TNRC6B: variants seen among roughly 807,000 people sequenced by gnomAD.
The protein encoded by TNRC6B is trinucleotide repeat containing adaptor 6B.
In TNRC6B, 52 loss-of-function variants were observed where a neutral mutation model predicts 203.6. The observed-to-expected ratio is 0.26, with a 90% confidence interval of 0.20 to 0.32. TNRC6B has a LOEUF of 0.32. Among genes scored for constraint, TNRC6B ranks in the 10% least tolerant of loss-of-function variants. The pLI is 1.00. For synonymous variants in TNRC6B, 838 were observed against 845.7 expected (o/e 0.99, Z 0.16); for missense variants, 1,923 against 2,286.2 (o/e 0.84, Z 3.24).
intron 15 of TNRC6B, among the ~76,000 whole-genome samples, chr22:40,303,073 G>A (rs1161991328): frequency 5.9e-5 from 8 of 136,110 alleles, no homozygotes; most frequent in South Asian, 2.3e-4. Flanking sequence ...TTTTTGAGGC[G>A]GAGTCTCACT....
chr22:40,127,135 T>C (rs748352653), intron 3 of TNRC6B, among the ~76,000 whole-genome samples: 11 of 151,968 alleles, frequency 7.2e-5, no homozygotes, highest in Non-Finnish European at 1.5e-4. Flanking sequence ...CTTCTTAACA[T>C]AGTTACATGA....
At chr22:40,064,613 C>CTTTTTTTTTTTTTTTT (rs888329204) in intron 1 of TNRC6B, among the ~76,000 whole-genome samples, 1 of 137,908 alleles carries the variant, frequency 7.3e-6, no homozygotes, top group Non-Finnish European at 1.6e-5. Context: ...GTGTATAATC[C>CTTTTTTTTTTTTTTTT]TTTTTTTTTT....
At chr22:40,289,942 C>T (rs1312299036) in intron 12 of TNRC6B, among the ~76,000 whole-genome samples, 4 of 152,232 alleles carry the variant, frequency 2.6e-5, no homozygotes, top group African/African-American at 7.2e-5. Flanking sequence ...CCTTGGAGCT[C>T]GTGACCATGT....
intron 1 of TNRC6B, among the ~76,000 whole-genome samples, chr22:40,089,469 A>G (rs1765804590): frequency 6.6e-6 from 1 of 151,962 alleles, no homozygotes; most frequent in African/African-American, 2.4e-5. Context: ...CTGACCTCAA[A>G]TAATCCACCC....
chr22:40,112,900 C>G (rs919471563), intron 1 of TNRC6B, among the ~76,000 whole-genome samples: 10 of 152,146 alleles, frequency 6.6e-5, no homozygotes, highest in Admixed American at 2.0e-4. Context: ...GGGTTGATCA[C>G]TTGAGGTCAG....
intron 1 of TNRC6B, 75 bp from the exon 2 acceptor site, chr22:40,245,940 C>G: frequency 8.4e-7 from 1 of 1,192,676 alleles, no homozygotes; most frequent in Admixed American, 2.6e-5. Flanking sequence ...CCACCACTTA[C>G]AAGCATTCAA....
intron 12 of TNRC6B, among the ~76,000 whole-genome samples, chr22:40,291,529 T>C (rs1298396333): frequency 1.3e-5 from 2 of 152,210 alleles, no homozygotes; most frequent in Admixed American, 6.5e-5. Context: ...ACAGGGATGC[T>C]TTTCACATTA....
At chr22:40,172,771 G>A (rs1441405421) in intron 4 of TNRC6B, among the ~76,000 whole-genome samples, 1 of 152,200 alleles carries the variant, frequency 6.6e-6, no homozygotes, top group African/African-American at 2.4e-5. Context: ...ATAAGAGTTA[G>A]ATAGCATTCA....
intron 2 of TNRC6B, among the ~76,000 whole-genome samples, chr22:40,123,337 G>A (rs1296389522): frequency 6.6e-6 from 1 of 152,122 alleles, no homozygotes; most frequent in African/African-American, 2.4e-5. Flanking sequence ...ATTTAGCCAG[G>A]CAAGTCAAGC....
intron 1 of TNRC6B, among the ~76,000 whole-genome samples, chr22:40,228,925 TACTTTCA>T (rs2069829551): frequency 1.3e-5 from 2 of 152,170 alleles, no homozygotes; most frequent in African/African-American, 4.8e-5. Context: ...TATAGGAAAG[TACTTTCA>T]GGAGTAAAAT....
At position 40,330,472 on chromosome 22, in the gene TNRC6B, T is replaced by C. The variant is rs1490780631; in HGVS notation, c.*7231T>C. ...GCTTTACAGAGAGGAGGACAGTACATCCTATGTGTGTTCGCCAAAAATGGG... is the reference window on the plus strand; with the variant it reads ...GCTTTACAGAGAGGAGGACAGTACACCCTATGTGTGTTCGCCAAAAATGGG... On this transcript the variant is annotated 3_prime_UTR_variant, in exon 23 of 23. Transcript: ENST00000454349. 3.9e-5 allele frequency: 6 copies of C among 152,214 alleles called. No homozygotes were observed. Among genetic ancestry groups the C allele is most frequent in the Admixed American group, 2.6e-4 (4 of 15,282 alleles). The allele number at this position is 152,214 out of a possible 1,614,324, so 9.4% of individuals were successfully genotyped here.
At chr22:40,173,346 C>T (rs1338623383), upstream of TNRC6B, among the ~76,000 whole-genome samples, 4 of 151,676 alleles carry the variant, frequency 2.6e-5, no homozygotes, top group African/African-American at 4.8e-5. Context: ...CCACCCTCGG[C>T]CTCCCAAAGT....
intron 1 of TNRC6B, among the ~76,000 whole-genome samples, chr22:40,083,584 G>A (rs936666358): frequency 1.6e-4 from 24 of 152,114 alleles, no homozygotes; most frequent in Admixed American, 7.9e-4. Flanking sequence ...TTTTAAGATG[G>A]GACATACTAG....
At chr22:40,204,421 C>T (rs1292840593) in intron 1 of TNRC6B, among the ~76,000 whole-genome samples, 3 of 152,172 alleles carry the variant, frequency 2.0e-5, no homozygotes, top group Admixed American at 1.3e-4. Context: ...AGATTCATCC[C>T]CTGCCACTCT....
In TNRC6B at chr22:40,075,154, A is replaced by G. The variant is rs538520923; in HGVS notation, c.-121+30156A>G. 1.1e-4 allele frequency among the ~76,000 whole-genome samples: 6 copies of G among 55,376 alleles called. No individual in the cohort carries two copies. The East Asian group carries it at 2.4e-3, about 22-fold the overall frequency. The allele number at this position is 55,376 out of a possible 152,430, so 36.3% of individuals were successfully genotyped here. ...GTTCTGTTCATATATATATATATAT[A>G]TATTTTTTTTTTTTTTTTTTTTTTT... On this transcript the variant is annotated intron_variant, in intron 1 of 23. Transcript: ENST00000301923.
At position 40,326,903 on chromosome 22, in the gene TNRC6B, TTTTTTAGCTCCCA is replaced by T. The variant is rs2071410401; in HGVS notation, c.*3663_*3675del. 6.6e-6 allele frequency: 1 copy of T among 152,652 alleles called. No homozygotes were observed. The highest frequency in any genetic ancestry group is 1.5e-5 in the Non-Finnish European group (1 of 68,050). 9.5% of individuals were successfully genotyped at this position (152,652 alleles called of 1,614,324 possible). Reference sequence around the variant, plus strand: ...TCTAATAAGGAACAAGTGATTTTACTTTTTTAGCTCCCAGCTACTGTTGTGCTCGTTTTAATTG... The same window carrying T: ...TCTAATAAGGAACAAGTGATTTTACTGCTACTGTTGTGCTCGTTTTAATTG... On this transcript the variant is annotated 3_prime_UTR_variant, in exon 23 of 23. Transcript: ENST00000454349.
At chr22:40,315,170 T>C (rs1569066582) in intron 19 of TNRC6B, 113 bp from the exon 20 acceptor site, 3 of 816,172 alleles carry the variant, frequency 3.7e-6, no homozygotes, top group Non-Finnish European at 3.9e-6. Context: ...ACTATTACTT[T>C]TTAGAATATA....
intron 7 of TNRC6B, 167 bp from the exon 8 acceptor site, chr22:40,276,910 G>T: frequency 2.2e-6 from 1 of 446,098 alleles, no homozygotes. Flanking sequence ...ATATAACTAG[G>T]GCTTATTAAT....
rs892101945 is a variant in TNRC6B at position 40,281,341 on chromosome 22, C to T, written c.3582+52C>T. ...TGCTTGGCTATGGCCTCGCCTTGGTCCTGGTCTGCAGTTTATTGCATCATT... is the reference window on the plus strand; with the variant it reads ...TGCTTGGCTATGGCCTCGCCTTGGTTCTGGTCTGCAGTTTATTGCATCATT... On this transcript the variant is annotated intron_variant, in intron 11 of 22. Coordinates refer to ENST00000454349, the MANE Select transcript of TNRC6B (RefSeq NM_001162501.2). The T allele has an allele frequency of 1.2e-5, 17 of 1,423,636 alleles. No homozygotes were observed. In the African/African-American group the frequency reaches 1.9e-4, roughly 16 times the overall value. 88.2% of individuals were successfully genotyped at this position (1,423,636 alleles called of 1,614,324 possible).
Sources: gnomAD v4.1 joint callset for allele counts (sites outside exome capture counted in the v4.1 genomes callset) on GRCh38, gnomAD v4.1.1 for gene constraint, MANE v1.5 for transcripts, NCBI Gene and HGNC (gene_info 2026-07-23, HGNC 2026-07-21) for gene names.